The following ROBO1 variants were observed in gnomAD, a reference collection of about 807,000 sequenced individuals.
ROBO1 encodes roundabout guidance receptor 1, also known as roundabout homolog 1.
A neutral mutation model predicts 195.9 loss-of-function variants in ROBO1; 149 were observed. The observed-to-expected ratio is 0.76, with a 90% CI of 0.67 to 0.87. The LOEUF is 0.87. Among genes scored for constraint, ROBO1 ranks in the 40% least tolerant of loss-of-function variants. The probability of loss-of-function intolerance (pLI) is 0.00; values close to 1 mark genes in which losing one functional copy is unlikely to be tolerated. For missense variants in ROBO1, 1,933 were observed against 2,068.3 expected, an observed-to-expected ratio of 0.93 and a Z score of 1.27; for synonymous variants, 816 against 733.2, an observed-to-expected ratio of 1.11 and a Z score of -1.82.
chr3:78,772,723 T>TA (rs1380602934), intron 4 of ROBO1, among the ~76,000 whole-genome samples: 2 of 152,132 alleles, frequency 1.3e-5, no homozygotes, highest in Non-Finnish European at 2.9e-5. Context: ...CTCAGGCCTC[T>TA]ACTCAGATAG....
At chr3:78,965,046 A>C (rs1007429905) in intron 3 of ROBO1, among the ~76,000 whole-genome samples, 2 of 151,948 alleles carry the variant, frequency 1.3e-5, no homozygotes, top group South Asian at 4.1e-4. Context: ...TCAAACTCTA[A>C]AAATTTTTAT....
chr3:79,483,553 GCCTACTACA>G (rs1938981567), intron 2 of ROBO1, among the ~76,000 whole-genome samples: 1 of 152,178 alleles, frequency 6.6e-6, no homozygotes, highest in Non-Finnish European at 1.5e-5. Context: ...AGATGCTATA[GCCTACTACA>G]TACTTGGGCT....
chr3:79,439,995 G>C (rs2039001424), intron 2 of ROBO1, among the ~76,000 whole-genome samples: 1 of 152,076 alleles, frequency 6.6e-6, no homozygotes, highest in Admixed American at 6.6e-5. Flanking sequence ...GACCTTGAAA[G>C]AAATCTGGGA....
intron 3 of ROBO1, among the ~76,000 whole-genome samples, chr3:79,058,489 G>A (rs2078855062): frequency 6.6e-6 from 1 of 151,986 alleles, no homozygotes; most frequent in African/African-American, 2.4e-5. Flanking sequence ...TGTGAGTATG[G>A]GAAGGGGAAA....
intron 2 of ROBO1, among the ~76,000 whole-genome samples, chr3:79,186,786 G>A (rs567268630): frequency 6.6e-6 from 1 of 152,030 alleles, no homozygotes; most frequent in Non-Finnish European, 1.5e-5. Flanking sequence ...TGGGTTTCTG[G>A]ATGGCAACAG....
At chr3:79,652,643 T>C (rs1946045214) in intron 1 of ROBO1, among the ~76,000 whole-genome samples, 1 of 152,078 alleles carries the variant, frequency 6.6e-6, no homozygotes, top group Admixed American at 6.6e-5. Flanking sequence ...CAAATGTTAA[T>C]TTTGAAACAA....
At chr3:79,128,587 A>T (rs1343374125) in intron 2 of ROBO1, among the ~76,000 whole-genome samples, 2 of 152,156 alleles carry the variant, frequency 1.3e-5, no homozygotes, top group Non-Finnish European at 2.9e-5. Flanking sequence ...GCTATTGTAC[A>T]TCCTATGTCC....
intron 1 of ROBO1, among the ~76,000 whole-genome samples, chr3:79,743,033 C>T (rs1703714443): frequency 6.6e-6 from 1 of 152,230 alleles, no homozygotes; most frequent in Non-Finnish European, 1.5e-5. Flanking sequence ...CAAAAAGTAA[C>T]TTCCTCTTTC....
chr3:79,040,516 A>G (rs2078467915), intron 3 of ROBO1, among the ~76,000 whole-genome samples: 1 of 152,198 alleles, frequency 6.6e-6, no homozygotes. Flanking sequence ...GTCAAGTCAT[A>G]TCTTTATCTT....
chr3:79,595,999 C>G (rs1035334725), intron 1 of ROBO1, among the ~76,000 whole-genome samples: 4 of 151,976 alleles, frequency 2.6e-5, no homozygotes, highest in Non-Finnish European at 5.9e-5. Flanking sequence ...ACTCAGCAAT[C>G]TACACATTGG....
intron 3 of ROBO1, among the ~76,000 whole-genome samples, chr3:79,005,226 G>A (rs2077593307): frequency 6.6e-6 from 1 of 152,064 alleles, no homozygotes; most frequent in South Asian, 2.1e-4. Flanking sequence ...CCTCTTCCCT[G>A]CCCGTGCCTT....
intron 4 of ROBO1, among the ~76,000 whole-genome samples, chr3:78,903,272 C>T (rs541863415): frequency 7.2e-5 from 11 of 152,004 alleles, no homozygotes; most frequent in Non-Finnish European, 1.3e-4. Context: ...ATATTATGGT[C>T]TTTCAATTTG....
intron 2 of ROBO1, among the ~76,000 whole-genome samples, chr3:79,316,726 G>C (rs778849307): frequency 6.6e-6 from 1 of 151,918 alleles, no homozygotes; most frequent in Non-Finnish European, 1.5e-5. Flanking sequence ...GTGCCCAGCT[G>C]GGGTTATTAA....
chr3:78,922,021 C>A (rs1021904591), intron 4 of ROBO1, among the ~76,000 whole-genome samples: 6 of 151,986 alleles, frequency 3.9e-5, no homozygotes, highest in Non-Finnish European at 7.4e-5. Flanking sequence ...TTTAGTAGAT[C>A]ATGAGGTCTG....
chr3:79,531,093 G>A (rs891751090), intron 2 of ROBO1, among the ~76,000 whole-genome samples: 2 of 151,952 alleles, frequency 1.3e-5, no homozygotes, highest in Admixed American at 6.6e-5. Flanking sequence ...GACTTGGTTG[G>A]TAGCTACTGT....
chr3:79,729,497 TG>T (rs1560138059), intron 1 of ROBO1, among the ~76,000 whole-genome samples: 3 of 152,354 alleles, frequency 2.0e-5, no homozygotes, highest in African/African-American at 7.2e-5. Context: ...AAAAAAGTGC[TG>T]TGTTTGTTTA....
At position 79,492,094 on chromosome 3, in the gene ROBO1, GC is replaced by G. The variant is rs1417051156; in HGVS notation, c.88+97729del. On this transcript the variant is annotated intron_variant, in intron 2 of 30. Coordinates refer to ENST00000464233, the MANE Select transcript of ROBO1 (RefSeq NM_002941.4). Reference sequence around the variant, plus strand: ...TGTCTAAAGGACTAAGAATTGGAGAGCCCTGACATTGAATTAGGACGTAGTT... The same window carrying G: ...TGTCTAAAGGACTAAGAATTGGAGAGCCTGACATTGAATTAGGACGTAGTT... Among the ~76,000 whole-genome samples the G allele has an allele frequency of 2.0e-5, 3 of 152,046 alleles. No individual in the cohort carries two copies. In the East Asian group the frequency reaches 5.8e-4, roughly 29 times the overall value.
chr3:79,353,495 T>G (rs924242229), intron 2 of ROBO1, among the ~76,000 whole-genome samples: 5 of 151,584 alleles, frequency 3.3e-5, no homozygotes, highest in African/African-American at 1.2e-4. Flanking sequence ...GGAGTAGTCA[T>G]GAGAGTGGCT....
chr3:79,736,832 G>A (rs865793429), intron 1 of ROBO1, among the ~76,000 whole-genome samples: 1 of 152,124 alleles, frequency 6.6e-6, no homozygotes, highest in African/African-American at 2.4e-5. Flanking sequence ...GACCCAGCAG[G>A]CATTGACTTA....
Sources: allele counts gnomAD v4.1 joint callset (sites outside exome capture counted in the v4.1 genomes callset), GRCh38; gene constraint gnomAD v4.1.1; transcripts MANE v1.5; gene names NCBI Gene and HGNC (gene_info 2026-07-23, HGNC 2026-07-21).